The following OSBPL10 variants were observed in gnomAD, a reference collection of about 807,000 sequenced individuals.
The protein encoded by OSBPL10 is oxysterol binding protein like 10, also known as oxysterol-binding protein-related protein 10.
OSBPL10 carries 49 observed loss-of-function variants against 81.7 expected under a neutral mutation model. The observed-to-expected ratio is 0.60, with a 90% CI of 0.48 to 0.76. OSBPL10 has a LOEUF of 0.76. Among genes scored for constraint, OSBPL10 ranks in the 30% least tolerant of loss-of-function variants. OSBPL10 has a pLI of 0.00. For synonymous variants in OSBPL10, 419 were observed against 383.6 expected, an observed-to-expected ratio of 1.09 and a Z score of -1.08; for missense variants, 923 against 987.8, an observed-to-expected ratio of 0.93 and a Z score of 0.88.
At chr3:31,698,207 T>G (rs1695787720) in intron 7 of OSBPL10, among the ~76,000 whole-genome samples, 1 of 151,436 alleles carries the variant, frequency 6.6e-6, no homozygotes, top group Non-Finnish European at 1.5e-5. Context: ...ACCAGCACTT[T>G]GGGAGGCCAA....
intron 3 of OSBPL10, among the ~76,000 whole-genome samples, chr3:31,847,830 G>A (rs889634549): frequency 7.9e-5 from 12 of 152,098 alleles, no homozygotes; most frequent in African/African-American, 2.9e-4. Context: ...CACCTTCCAA[G>A]GCTGGAGGAT....
At chr3:31,966,150 A>G (rs1053479405) in intron 1 of OSBPL10, among the ~76,000 whole-genome samples, 1 of 120,320 alleles carries the variant, frequency 8.3e-6, no homozygotes, top group African/African-American at 3.9e-5. Flanking sequence ...CAACAACAAA[A>G]TTATGTGTGT....
intron 4 of OSBPL10, among the ~76,000 whole-genome samples, chr3:31,812,806 GAAAGAAAGAAAGA>G (rs1699737243): frequency 5.8e-5 from 3 of 51,706 alleles, no homozygotes; most frequent in East Asian, 8.5e-4. Flanking sequence ...AAGAAAGAAA[GAAAGAAAGAAAGA>G]GAAAGAAAGA....
At chr3:32,024,486 ATTT>A (rs34141476) in intron 2 of OSBPL10, among the ~76,000 whole-genome samples, 1 of 111,764 alleles carries the variant, frequency 8.9e-6, no homozygotes, top group Non-Finnish European at 1.7e-5. Context: ...TGTGAATGGA[ATTT>A]TTTTTTTTTT....
chr3:31,873,504 C>T (rs1440380700), intron 3 of OSBPL10, among the ~76,000 whole-genome samples: 2 of 152,166 alleles, frequency 1.3e-5, no homozygotes, highest in African/African-American at 4.8e-5. Flanking sequence ...TCTGGCTATC[C>T]TGTAGTTCTT....
intron 2 of OSBPL10, among the ~76,000 whole-genome samples, chr3:32,028,085 C>T (rs1016691186): frequency 6.6e-6 from 1 of 152,184 alleles, no homozygotes; most frequent in African/African-American, 2.4e-5. Flanking sequence ...TTCATTGAGT[C>T]CTCTCTTAAG....
intron 2 of OSBPL10, among the ~76,000 whole-genome samples, chr3:32,017,023 T>C (rs1163511983): frequency 6.6e-6 from 1 of 152,224 alleles, no homozygotes; most frequent in Non-Finnish European, 1.5e-5. Flanking sequence ...TGTTTTATAA[T>C]AAAGTGTTTT....
chr3:31,858,853 T>C (rs1003142304), intron 3 of OSBPL10, among the ~76,000 whole-genome samples: 1 of 152,180 alleles, frequency 6.6e-6, no homozygotes, highest in African/African-American at 2.4e-5. Flanking sequence ...GTCATAACAA[T>C]CAGGTTTTAG....
At chr3:31,760,350 T>C (rs1214917779) in intron 4 of OSBPL10, among the ~76,000 whole-genome samples, 1 of 152,150 alleles carries the variant, frequency 6.6e-6, no homozygotes, top group African/African-American at 2.4e-5. Context: ...CGTACAGTCA[T>C]CCCTCAGTAC....
intron 5 of OSBPL10, among the ~76,000 whole-genome samples, chr3:31,734,711 C>T (rs185646509): frequency 6.6e-6 from 1 of 152,290 alleles, no homozygotes; most frequent in Non-Finnish European, 1.5e-5. Flanking sequence ...GCACTCCAGC[C>T]TTGGTGACAA....
intron 1 of OSBPL10, among the ~76,000 whole-genome samples, chr3:32,067,034 G>C (rs73063414): frequency 1.6e-3 from 240 of 152,250 alleles, no homozygotes; most frequent in Admixed American, 4.1e-3. Flanking sequence ...AACTTGAAGT[G>C]ACCTGATGTT....
intron 1 of OSBPL10, among the ~76,000 whole-genome samples, chr3:31,918,598 G>C (rs2125703070): frequency 6.6e-6 from 1 of 152,236 alleles, no homozygotes; most frequent in Middle Eastern, 3.4e-3. Context: ...GGAAACAAAT[G>C]AAAGTAAGCA....
chr3:31,898,307 G>A (rs142577269), intron 1 of OSBPL10, among the ~76,000 whole-genome samples: 7 of 152,252 alleles, frequency 4.6e-5, no homozygotes, highest in Non-Finnish European at 5.9e-5. Flanking sequence ...GATAAGTGAG[G>A]TGAGAGATAT....
chr3:32,053,320 A>G (rs116789724), intron 1 of OSBPL10, among the ~76,000 whole-genome samples: 7,006 of 152,316 alleles, frequency 0.046, 219 homozygotes, highest in Non-Finnish European at 0.068. Flanking sequence ...TTTAAGTTAT[A>G]TTAGGATAAA....
At chr3:31,776,953 A>G (rs974533686) in intron 4 of OSBPL10, among the ~76,000 whole-genome samples, 9 of 152,236 alleles carry the variant, frequency 5.9e-5, no homozygotes, top group Non-Finnish European at 1.3e-4. Context: ...TTTCACCTCA[A>G]TAAAACAATT....
At chr3:31,848,748 C>T (rs927598364) in intron 3 of OSBPL10, among the ~76,000 whole-genome samples, 1 of 152,172 alleles carries the variant, frequency 6.6e-6, no homozygotes. Context: ...CATCTAAAAG[C>T]ATGGCCAATG....
chr3:31,813,675 T>G (rs1047111571), intron 4 of OSBPL10, among the ~76,000 whole-genome samples: 3 of 152,160 alleles, frequency 2.0e-5, no homozygotes, highest in Admixed American at 6.5e-5. Context: ...CATGTACCCA[T>G]GCTTTGTGTG....
At chr3:31,930,946 G>A (rs1448866416) in intron 1 of OSBPL10, among the ~76,000 whole-genome samples, 4 of 147,642 alleles carry the variant, frequency 2.7e-5, no homozygotes, top group Non-Finnish European at 4.5e-5. Flanking sequence ...CCCAGGAGGC[G>A]GAGCTTGCAG....
At chr3:31,751,216 G>A (rs941176202) in intron 4 of OSBPL10, among the ~76,000 whole-genome samples, 5 of 152,008 alleles carry the variant, frequency 3.3e-5, no homozygotes, top group Admixed American at 3.3e-4. Context: ...CAGGCATGGT[G>A]GTGCACCTGT....
Sources: gnomAD v4.1 joint callset for allele counts (sites outside exome capture counted in the v4.1 genomes callset) on GRCh38, gnomAD v4.1.1 for gene constraint, MANE v1.5 for transcripts, NCBI Gene and HGNC (gene_info 2026-07-23, HGNC 2026-07-21) for gene names.